Variants in NOL4L observed in about 807,000 individuals in gnomAD.
The protein encoded by NOL4L is nucleolar protein 4 like, also known as nucleolar protein 4-like.
NOL4L carries 7 observed loss-of-function variants against 64.5 expected under a neutral mutation model. The ratio of observed to expected loss-of-function variants is 0.11; its 90% CI spans 0.06 to 0.20. The LOEUF (loss-of-function observed/expected upper bound fraction) is 0.20, where lower values mean the gene tolerates loss of function less well. NOL4L is among the 10% of genes least tolerant of loss of function. NOL4L has a pLI of 1.00. For synonymous variants in NOL4L, 413 were observed against 401.0 expected (o/e 1.03, Z -0.36); for missense variants, 680 against 967.1 (o/e 0.70, Z 3.94).
intron 1 of NOL4L, among the ~76,000 whole-genome samples, chr20:32,576,696 C>T (rs1412508151): frequency 1.3e-5 from 2 of 152,166 alleles, no homozygotes; most frequent in Non-Finnish European, 2.9e-5. Context: ...CCTGCTCTGC[C>T]GTCTCCCCAC....
chr20:32,566,490 T>C (rs1264108475), intron 1 of NOL4L, among the ~76,000 whole-genome samples: 1 of 152,156 alleles, frequency 6.6e-6, no homozygotes, highest in African/African-American at 2.4e-5. Flanking sequence ...CTCAAGGTCC[T>C]GCAGAGTAAA....
intron 5 of NOL4L, among the ~76,000 whole-genome samples, chr20:32,458,018 G>A (rs2013717119): frequency 1.3e-5 from 2 of 152,200 alleles, no homozygotes; most frequent in African/African-American, 2.4e-5. Context: ...GGGTAACAGG[G>A]AAGGTGAATT....
chr20:32,486,403 C>T (rs6087918), intron 4 of NOL4L, among the ~76,000 whole-genome samples: 26 of 152,200 alleles, frequency 1.7e-4, no homozygotes, highest in Non-Finnish European at 3.8e-4. Flanking sequence ...GGGGACAATG[C>T]TGCCACAGGT....
At chr20:32,579,552 G>C (rs979204191) in intron 1 of NOL4L, among the ~76,000 whole-genome samples, 1 of 151,726 alleles carries the variant, frequency 6.6e-6, no homozygotes, top group Non-Finnish European at 1.5e-5. Context: ...CCTCCCAGAC[G>C]TGCAGGGACG....
intron 4 of NOL4L, chr20:32,509,874 C>T (rs561185717): frequency 6.9e-6 from 9 of 1,304,300 alleles, no homozygotes; most frequent in African/African-American, 1.5e-5. Context: ...CTTCATTCTT[C>T]ATGGGCACAG....
At chr20:32,568,263 G>C (rs560115441) in intron 1 of NOL4L, among the ~76,000 whole-genome samples, 1 of 152,228 alleles carries the variant, frequency 6.6e-6, no homozygotes, top group South Asian at 2.1e-4. Context: ...CCACATCTAT[G>C]GGTCTCAACA....
Position 32,470,557 on chromosome 20 carries a change from C to T in NOL4L, c.841+4044G>A, listed in dbSNP as rs183412619. Among the ~76,000 whole-genome samples, 7 of 152,354 alleles carry T rather than the reference C, an allele frequency of 4.6e-5. No homozygotes were observed. The East Asian group carries it at 1.4e-3, about 29-fold the overall frequency. On this transcript the variant is annotated intron_variant, in intron 5 of 10. Coordinates refer to ENST00000621426, the MANE Select transcript of NOL4L (RefSeq NM_001256798.2). ...GTACAGACGGATGTGCTGTTCAGCC[C>T]CAAGGCAACGCCAGACCACAGTGCC... is the stretch of plus-strand genomic sequence containing the variant.
intron 1 of NOL4L, among the ~76,000 whole-genome samples, chr20:32,532,755 C>A (rs117710575): frequency 2.0e-5 from 3 of 152,302 alleles, no homozygotes; most frequent in Admixed American, 6.5e-5. Flanking sequence ...TTGGAGTCTC[C>A]TGCCTATCCC....
chr20:32,524,164 C>A (rs536348502), intron 2 of NOL4L, among the ~76,000 whole-genome samples: 8 of 152,254 alleles, frequency 5.3e-5, no homozygotes, highest in African/African-American at 1.7e-4. Flanking sequence ...AGCAGGAAGG[C>A]CCCTTGGAAA....
chr20:32,463,489 G>A lies in NOL4L; in HGVS notation c.842-7094C>T, dbSNP rs1049973173. Among the ~76,000 whole-genome samples the A allele has an allele frequency of 6.6e-6, 1 of 152,152 alleles. No individual in the cohort carries two copies. Among genetic ancestry groups the A allele is most frequent in the East Asian group, 1.9e-4 (1 of 5,182 alleles). On this transcript the variant is annotated intron_variant, in intron 5 of 10. Transcript: ENST00000621426. This position sits in a 1 kb window ranked among gnomAD's most constrained non-coding sequence, Gnocchi z 5.8. ...CCTCTCAGCATTTCCACAAAACCAG[G>A]CCCTCCCCACTGTGGCAAAGGGCGA... is the stretch of plus-strand genomic sequence containing the variant.
chr20:32,485,204 C>A (rs913019448), intron 4 of NOL4L, among the ~76,000 whole-genome samples: 21 of 151,814 alleles, frequency 1.4e-4, no homozygotes, highest in Non-Finnish European at 3.1e-4. Context: ...GTGGAACCAG[C>A]AGAGAAGAGA....
At position 32,469,361 on chromosome 20, in the gene NOL4L, ATT is replaced by A. The variant is rs11476277; in HGVS notation, c.841+5238_841+5239del. 4.7e-5 allele frequency among the ~76,000 whole-genome samples: 7 copies of A among 150,128 alleles called. No homozygotes were observed. The East Asian group carries it at 5.8e-4, about 13-fold the overall frequency. ...TTCTTTTTTCCTCCTTTATTTTTCT[ATT>A]TTTTTTTCTTTTTTTTCTTTTTTTT... On this transcript the variant is annotated intron_variant, in intron 5 of 10. Transcript: ENST00000621426.
intron 1 of NOL4L, among the ~76,000 whole-genome samples, chr20:32,555,697 T>C (rs1280376965): frequency 6.6e-6 from 1 of 152,050 alleles, no homozygotes; most frequent in African/African-American, 2.4e-5. Context: ...AAGATTAGGA[T>C]ACAGACGTTC....
intron 4 of NOL4L, among the ~76,000 whole-genome samples, chr20:32,499,849 T>C (rs2016848441): frequency 1.3e-5 from 2 of 151,354 alleles, no homozygotes. Context: ...CAATTCCTAC[T>C]AGATATTAAA....
intron 10 of NOL4L, 70 bp from the exon 11 acceptor site, chr20:32,447,886 T>C (rs2012457616): frequency 6.6e-7 from 1 of 1,508,446 alleles, no homozygotes; most frequent in Admixed American, 2.3e-5. Context: ...GTACCTTCCT[T>C]GGCACTGTCA....
At chr20:32,548,470 A>G (rs146244281) in intron 1 of NOL4L, 2 of 153,958 alleles carry the variant, frequency 1.3e-5, no homozygotes, top group African/African-American at 2.4e-5. Flanking sequence ...TGAAAAATAA[A>G]CAGGATCAGA....
chr20:32,501,264 T>C (rs1044725157), intron 4 of NOL4L, among the ~76,000 whole-genome samples: 1 of 152,220 alleles, frequency 6.6e-6, no homozygotes, highest in Non-Finnish European at 1.5e-5. Context: ...CCCGGTTTTA[T>C]ATAGAGAAAA....
At chr20:32,529,664 C>T (rs1276390132) in intron 1 of NOL4L, among the ~76,000 whole-genome samples, 5 of 152,162 alleles carry the variant, frequency 3.3e-5, no homozygotes, top group African/African-American at 4.8e-5. Flanking sequence ...TGTGGGGTCC[C>T]GAGCCCCACA....
intron 1 of NOL4L, among the ~76,000 whole-genome samples, chr20:32,545,950 CTTTTTTTTTT>C (rs11327665): frequency 1.5e-5 from 2 of 133,932 alleles, no homozygotes; most frequent in Non-Finnish European, 3.1e-5. Flanking sequence ...TCTTTCTTTT[CTTTTTTTTTT>C]TTTTTGGAGA....
Sources: gnomAD v4.1 joint callset for allele counts (sites outside exome capture counted in the v4.1 genomes callset) on GRCh38, gnomAD v4.1.1 for gene constraint, Gnocchi (gnomAD v3.1) non-coding constraint, MANE v1.5 for transcripts, NCBI Gene and HGNC (gene_info 2026-07-23, HGNC 2026-07-21) for gene names.